PTPRB: variants seen among roughly 807,000 people sequenced by gnomAD.
PTPRB encodes the protein receptor-type tyrosine-protein phosphatase beta.
A neutral mutation model predicts 238.1 loss-of-function variants in PTPRB; 97 were observed. The ratio of observed to expected loss-of-function variants is 0.41; its 90% CI spans 0.35 to 0.48. The LOEUF (loss-of-function observed/expected upper bound fraction) is 0.48, where lower values mean the gene tolerates loss of function less well. Among genes scored for constraint, PTPRB ranks in the 20% least tolerant of loss-of-function variants. The pLI is 0.30. For synonymous variants in PTPRB, 970 were observed against 995.4 expected (o/e 0.97, Z 0.48); for missense variants, 2,292 against 2,681.9 (o/e 0.85, Z 3.21).
intron 32 of PTPRB, among the ~76,000 whole-genome samples, chr12:70,525,585 A>G (rs1872307720): frequency 7.2e-6 from 1 of 138,580 alleles, no homozygotes; most frequent in Non-Finnish European, 1.5e-5. Flanking sequence ...AAATATAAAT[A>G]GATATAGAAG....
intron 11 of PTPRB, among the ~76,000 whole-genome samples, chr12:70,574,943 A>C (rs58570056): frequency 0.2 from 30,891 of 152,150 alleles, 3,314 homozygotes; most frequent in African/African-American, 0.24. Flanking sequence ...ATTGGTAGGA[A>C]GCAAGGGGTT....
Position 70,560,462 on chromosome 12 carries a change from C to G in PTPRB, c.4432+209G>C, listed in dbSNP as rs537644873. On this transcript the variant is annotated intron_variant, in intron 17 of 33. Transcript: ENST00000334414. The surrounding 1 kb of genome is among the most constrained non-coding windows in gnomAD (Gnocchi z 4.2). The stretch of plus-strand genomic sequence containing the variant: ...GCCTAGAGATGCTCAATGACTTGCC[C>G]AGATTCATAGAGCTAAGCTAAGGAC... Among the ~76,000 whole-genome samples the G allele has an allele frequency of 2.5e-4, 38 of 152,308 alleles. No individual in the cohort carries two copies. The South Asian group carries it at 7.7e-3, about 31-fold the overall frequency.
At chr12:70,544,812 C>T in intron 21 of PTPRB, 149 bp from the exon 22 acceptor site, 1 of 503,468 alleles carries the variant, frequency 2.0e-6, no homozygotes. Context: ...TGGGTTCATG[C>T]ATTCATTCAT....
rs1034334563 is a variant in PTPRB at position 70,630,966 on chromosome 12, A to G, written c.451+4705T>C. Among the ~76,000 whole-genome samples, 5 of 152,238 alleles carry G rather than the reference A, an allele frequency of 3.3e-5. No homozygotes were observed. The South Asian group carries it at 6.2e-4, about 19-fold the overall frequency. On this transcript the variant is annotated intron_variant, in intron 2 of 33. Coordinates refer to ENST00000334414, the MANE Select transcript of PTPRB (RefSeq NM_001109754.4). ...ATGGAAGAACATTCCATGCTCATGG[A>G]TAGGAAGAATCAATATCGTGAAAAT...
chr12:70,630,575 C>A (rs1885405920), intron 2 of PTPRB, among the ~76,000 whole-genome samples: 1 of 152,168 alleles, frequency 6.6e-6, no homozygotes, highest in Non-Finnish European at 1.5e-5. Context: ...CCAGGGCAAT[C>A]AGGCAAGAGA....
chr12:70,609,082 C>A lies in PTPRB; in HGVS notation c.966G>T (p.Val322=). The A allele has an allele frequency of 6.2e-7, 1 of 1,613,974 alleles. No homozygotes were observed. Among genetic ancestry groups the A allele is most frequent in the Non-Finnish European group, 8.5e-7 (1 of 1,179,864 alleles). The change falls in exon 4 of 34, where the codon GTG becomes GTT. Residue 322 remains valine (V), a synonymous_variant. Coordinates refer to ENST00000334414, the MANE Select transcript of PTPRB (RefSeq NM_001109754.4). The stretch of plus-strand genomic sequence containing the variant: ...GTCATCCTTTACCTGTTTGCAAGAC[C>A]ACTGTTCTCTCTTCATCCAGAGAAA... The part of the protein sequence containing the change: ...RIISLDEERT[V]VLQTDPLPPA...
chr12:70,630,112 C>T (rs1295838433), intron 2 of PTPRB, among the ~76,000 whole-genome samples: 1 of 151,880 alleles, frequency 6.6e-6, no homozygotes, highest in Non-Finnish European at 1.5e-5. Flanking sequence ...AGAGACACAA[C>T]AAAAAAAGAG....
rs1880089012 is a variant in PTPRB, at chr12:70,571,834, A to T, written c.3096T>A (p.Asn1032Lys). The T allele has an allele frequency of 6.2e-7, 1 of 1,611,932 alleles. No individual in the cohort carries two copies. The highest frequency in any genetic ancestry group is 1.3e-5 in the African/African-American group (1 of 74,830). Residue 1032 changes from asparagine (N) to lysine (K), a missense_variant, in exon 12 of 34, where the codon AAT becomes AAA. Asn to Lys is a moderately conservative substitution (Grantham distance 94). Coordinates refer to ENST00000334414, the MANE Select transcript of PTPRB (RefSeq NM_001109754.4). ...SGQYEANEQGNGRTIPEPVKD... is the reference protein window; with the variant it reads ...SGQYEANEQGKGRTIPEPVKD... ...AATCGTTCCACTTACTTGTTCTCCCATTCCCTTGTTCATTGGCTTCATATT... is the reference window on the plus strand; with the variant it reads ...AATCGTTCCACTTACTTGTTCTCCCTTTCCCTTGTTCATTGGCTTCATATT...
chr12:70,599,436 G>A (rs562405644), intron 4 of PTPRB, among the ~76,000 whole-genome samples: 4 of 152,094 alleles, frequency 2.6e-5, no homozygotes, highest in Admixed American at 6.5e-5. Context: ...ACACTCATAC[G>A]CATAGTAACC....
At chr12:70,557,532 C>T (rs1877877885) in intron 18 of PTPRB, among the ~76,000 whole-genome samples, 2 of 152,206 alleles carry the variant, frequency 1.3e-5, no homozygotes, top group Non-Finnish European at 2.9e-5. Flanking sequence ...TTCTAGCACC[C>T]GGGACTGAAT....
rs1212764252 is a variant in PTPRB at position 70,610,075 on chromosome 12, G to A, written c.709-736C>T. Among the ~76,000 whole-genome samples the A allele has an allele frequency of 4.6e-5, 7 of 152,204 alleles. No individual in the cohort carries two copies. The East Asian group carries it at 1.4e-3, about 30-fold the overall frequency. ...TTCCCACGCTGCCATTCTGACCCGCGCTGCCTCGCCCCAGCCCCGTCCGCT... is the reference window on the plus strand; with the variant it reads ...TTCCCACGCTGCCATTCTGACCCGCACTGCCTCGCCCCAGCCCCGTCCGCT... On this transcript the variant is annotated intron_variant, in intron 3 of 33. Coordinates refer to ENST00000334414, the MANE Select transcript of PTPRB (RefSeq NM_001109754.4).
At chr12:70,617,892 T>A (rs1884751462) in intron 3 of PTPRB, among the ~76,000 whole-genome samples, 2 of 152,164 alleles carry the variant, frequency 1.3e-5, no homozygotes, top group African/African-American at 4.8e-5. Flanking sequence ...TTTAGCAGTA[T>A]CAGAACCAGC....
Position 70,552,693 on chromosome 12 carries a change from C to G in PTPRB, c.5387+84G>C, listed in dbSNP as rs188450453. On this transcript the variant is annotated intron_variant, in intron 21 of 33. Coordinates refer to ENST00000334414, the MANE Select transcript of PTPRB (RefSeq NM_001109754.4). Reference sequence around the variant, plus strand: ...AACGTAGGTTATTAATCTATGGAAGCTCGCATGCATCAGTTGCTCAGACAG... The same window carrying G: ...AACGTAGGTTATTAATCTATGGAAGGTCGCATGCATCAGTTGCTCAGACAG... 6.6e-5 allele frequency: 100 copies of G among 1,510,952 alleles called. 1 individual carries two copies. In the African/African-American group the frequency reaches 8.8e-4, roughly 13 times the overall value. The allele number at this position is 1,510,952 out of a possible 1,614,324, so 93.6% of individuals were successfully genotyped here.
chr12:70,588,095 C>CA (rs10558140), intron 8 of PTPRB, among the ~76,000 whole-genome samples: 12,299 of 104,466 alleles, frequency 0.12, 783 homozygotes, highest in Middle Eastern at 0.17. Flanking sequence ...GACTCTGTCT[C>CA]AAAAAAAAAA....
chr12:70,563,030 C>A lies in PTPRB; in HGVS notation c.3982G>T (p.Gly1328Trp). 6.2e-7 allele frequency: 1 copy of A among 1,613,906 alleles called. No homozygotes were observed. Among genetic ancestry groups the A allele is most frequent in the Non-Finnish European group, 8.5e-7 (1 of 1,179,864 alleles). ...AAGATGTTGTACCAGCTGAGCTCCC[C>A]CTCTGAGGCGGTCCAGCGGAAGGAC... ...HLSFRWTASE[G>W]ELSWYNIFLY... Residue 1328 changes from glycine (G) to tryptophan (W), a missense_variant, in exon 16 of 34, where the codon GGG (glycine) becomes TGG (tryptophan). This residue lies in a region of PTPRB where 683 missense variants were observed against 862.0 expected (regional missense o/e 0.79). Coordinates refer to ENST00000334414, the MANE Select transcript of PTPRB (RefSeq NM_001109754.4).
chr12:70,617,531 T>C (rs1196361220), intron 3 of PTPRB, among the ~76,000 whole-genome samples: 3 of 152,148 alleles, frequency 2.0e-5, no homozygotes, highest in Non-Finnish European at 4.4e-5. Flanking sequence ...CTCCAGGCAT[T>C]TGCCTCAGTG....
chr12:70,619,520 G>T (rs1169745142), intron 3 of PTPRB, among the ~76,000 whole-genome samples: 2 of 152,096 alleles, frequency 1.3e-5, no homozygotes, highest in African/African-American at 4.8e-5. Context: ...ATGTTGCATG[G>T]TTCCAGAGCC....
chr12:70,610,005 G>T (rs1029745290), intron 3 of PTPRB, among the ~76,000 whole-genome samples: 1 of 152,018 alleles, frequency 6.6e-6, no homozygotes, highest in South Asian at 2.1e-4. Context: ...CGCCCCGGGC[G>T]GGCTGCGGAC....
At chr12:70,540,487 C>T (rs1874891877) in intron 23 of PTPRB, 1 of 208,426 alleles carries the variant, frequency 4.8e-6, no homozygotes, top group Non-Finnish European at 9.6e-6. Flanking sequence ...ATGTCAACCA[C>T]ACTTTTCAGG....
Sources: allele counts gnomAD v4.1 joint callset (sites outside exome capture counted in the v4.1 genomes callset), GRCh38; gene constraint gnomAD v4.1.1; regional missense constraint gnomAD v4.1.1; non-coding constraint Gnocchi (gnomAD v3.1); transcripts MANE v1.5; gene names NCBI Gene and HGNC (gene_info 2026-07-23, HGNC 2026-07-21).